DHX30: variants seen among roughly 807,000 people sequenced by gnomAD.
The protein encoded by DHX30 is ATP-dependent RNA helicase DHX30.
A neutral mutation model predicts 116.9 loss-of-function variants in DHX30; 4 were observed. That is an observed-to-expected ratio of 0.03 (90% confidence interval 0.02 to 0.08). DHX30 has a LOEUF of 0.08. Ranked by LOEUF, DHX30 falls within the 10% of genes least tolerant of loss-of-function variation. The probability of loss-of-function intolerance (pLI) is 1.00; values close to 1 mark genes in which losing one functional copy is unlikely to be tolerated. For synonymous variants in DHX30, 697 were observed against 651.7 expected (o/e 1.07, Z -1.06); for missense variants, 871 against 1,595.1 (o/e 0.55, Z 7.73).
chr3:47,845,909 C>T, intron 10 of DHX30, 57 bp downstream of exon 10: 1 of 1,549,900 alleles, frequency 6.5e-7, no homozygotes, highest in Non-Finnish European at 8.7e-7. Flanking sequence ...CTCCATCTCT[C>T]CAGACTGAAG....
intron 6 of DHX30, among the ~76,000 whole-genome samples, chr3:47,831,535 G>A (rs2036848595): frequency 6.6e-6 from 1 of 151,952 alleles, no homozygotes; most frequent in Admixed American, 6.6e-5. Context: ...TTCCTCTTCT[G>A]GTTCTTTTCT....
chr3:47,810,867 T>G (rs1449970800), intron 3 of DHX30, among the ~76,000 whole-genome samples, 156 bp downstream of exon 3: 4 of 152,222 alleles, frequency 2.6e-5, no homozygotes, highest in African/African-American at 9.6e-5. Flanking sequence ...TGCATGGTGC[T>G]TAGAATCTGT....
intron 3 of DHX30, among the ~76,000 whole-genome samples, chr3:47,814,439 A>C (rs1473659645): frequency 1.3e-5 from 2 of 150,652 alleles, no homozygotes; most frequent in Non-Finnish European, 3.0e-5. Flanking sequence ...CAAAAAAAAA[A>C]AAAAAAAAAG....
At chr3:47,823,605 G>A (rs1182772744) in intron 4 of DHX30, among the ~76,000 whole-genome samples, 2 of 151,880 alleles carry the variant, frequency 1.3e-5, no homozygotes, top group South Asian at 2.1e-4. Flanking sequence ...CTCATGATCC[G>A]CCTGCCTCAG....
intron 10 of DHX30, 147 bp downstream of exon 10, chr3:47,845,999 GC>G (rs2037588650): frequency 2.0e-5 from 28 of 1,428,158 alleles, no homozygotes; most frequent in Non-Finnish European, 2.6e-5. Flanking sequence ...GGCCTGAACA[GC>G]CCAGTCTTGC....
intron 3 of DHX30, among the ~76,000 whole-genome samples, chr3:47,811,936 C>T (rs564632436): frequency 3.3e-5 from 5 of 152,072 alleles, no homozygotes; most frequent in South Asian, 4.2e-4. Context: ...TGGCAGTCTG[C>T]GCCTATAGTC....
intron 3 of DHX30, chr3:47,816,356 CT>C (rs200180200): frequency 0.044 from 39,126 of 879,528 alleles, no homozygotes; most frequent in South Asian, 0.061. Flanking sequence ...GAGCCGTCTT[CT>C]TTTTTTTTTT....
intron 10 of DHX30, 26 bp downstream of exon 10, chr3:47,845,878 C>G (rs1433656134): frequency 6.3e-7 from 1 of 1,581,254 alleles, no homozygotes; most frequent in South Asian, 1.1e-5. Context: ...TCCCTCACCA[C>G]CCCTGCTCCC....
chr3:47,827,296 G>A, intron 4 of DHX30, 51 bp from the exon 5 acceptor site: 1 of 1,555,922 alleles, frequency 6.4e-7, no homozygotes. Flanking sequence ...ACCCCATGGA[G>A]TTTTTAAAAG....
intron 6 of DHX30, 146 bp from the exon 7 acceptor site, chr3:47,840,731 C>T (rs1440699149): frequency 1.1e-6 from 1 of 900,068 alleles, no homozygotes; most frequent in Non-Finnish European, 1.7e-6. Context: ...AGTTCCATGC[C>T]CAGTTCTGGA....
At chr3:47,817,419 T>G (rs1472347906) in intron 3 of DHX30, among the ~76,000 whole-genome samples, 1 of 152,232 alleles carries the variant, frequency 6.6e-6, no homozygotes, top group Non-Finnish European at 1.5e-5. Context: ...ATAAGTAGCA[T>G]TTAGCCCCCA....
At chr3:47,825,457 G>A (rs1044272600) in intron 4 of DHX30, among the ~76,000 whole-genome samples, 1 of 152,334 alleles carries the variant, frequency 6.6e-6, no homozygotes, top group Admixed American at 6.5e-5. Context: ...ACCTGCTCCC[G>A]GCAAGAATAG....
chr3:47,838,004 G>C (rs1200446702), intron 6 of DHX30, among the ~76,000 whole-genome samples: 1 of 152,144 alleles, frequency 6.6e-6, no homozygotes, highest in Non-Finnish European at 1.5e-5. Flanking sequence ...GAGATCCTCT[G>C]GTCTAGTGAA....
chr3:47,807,119 T>TAG, intron 2 of DHX30, among the ~76,000 whole-genome samples: 1 of 151,798 alleles, frequency 6.6e-6, no homozygotes, highest in East Asian at 2.0e-4. Flanking sequence ...GACAGGAGAA[T>TAG]CATTTGAATC....
At chr3:47,829,310 A>ATT (rs1197680925) in intron 6 of DHX30, among the ~76,000 whole-genome samples, 176 bp downstream of exon 6, 9 of 25,672 alleles carry the variant, frequency 3.5e-4, no homozygotes, top group Non-Finnish European at 8.1e-4. Flanking sequence ...ATATATATAT[A>ATT]TATATTTTTT....
In DHX30 at chr3:47,848,703, G is replaced by A. The variant is rs147322592; in HGVS notation, c.2655G>A (p.Lys885=). ...TCTCCACCGACCCCCGGTTGGCCAA[G>A]GCCATTGTGTTGGCTGCCATCTTCC... ...AHISTDPRLA[K]AIVLAAIFRC... is the part of the protein sequence containing the mutation. Residue 885 remains lysine, a synonymous_variant, in exon 17 of 22, where the codon AAG becomes AAA. Transcript: ENST00000445061. The surrounding 1 kb of genome is among the most constrained non-coding windows in gnomAD (Gnocchi z 9.4). The A allele has an allele frequency of 3.7e-6, 6 of 1,614,174 alleles. No individual in the cohort carries two copies. Among genetic ancestry groups the A allele is most frequent in the Non-Finnish European group, 5.1e-6 (6 of 1,180,024 alleles).
chr3:47,823,635 T>C (rs1261975625), intron 4 of DHX30, among the ~76,000 whole-genome samples: 6 of 152,218 alleles, frequency 3.9e-5, no homozygotes, highest in Non-Finnish European at 8.8e-5. Flanking sequence ...GTGCTGGGAT[T>C]ACAGGCATGA....
intron 2 of DHX30, among the ~76,000 whole-genome samples, chr3:47,807,727 A>AAT (rs2035594733): frequency 1.4e-5 from 2 of 148,076 alleles, no homozygotes; most frequent in African/African-American, 4.9e-5. Context: ...AAAAAAAAAA[A>AAT]GCAAAATCAA....
intron 8 of DHX30, 101 bp from the exon 9 acceptor site, chr3:47,843,005 G>T (rs1389266837): frequency 2.1e-6 from 3 of 1,435,960 alleles, no homozygotes; most frequent in Non-Finnish European, 2.9e-6. Flanking sequence ...TGCTGAGATG[G>T]TGGCTCATTC....
Sources: allele counts gnomAD v4.1 joint callset (sites outside exome capture counted in the v4.1 genomes callset), GRCh38; gene constraint gnomAD v4.1.1; non-coding constraint Gnocchi (gnomAD v3.1); transcripts MANE v1.5; gene names NCBI Gene and HGNC (gene_info 2026-07-23, HGNC 2026-07-21).